Variants in NPM2 observed in about 807,000 individuals in gnomAD.
The protein encoded by NPM2 is nucleoplasmin-2.
In NPM2, 25 loss-of-function variants were observed where a neutral mutation model predicts 32.0. That is an observed-to-expected ratio of 0.78 (90% CI 0.57 to 1.09). NPM2 has a LOEUF of 1.09. NPM2 is among the 50% of genes least tolerant of loss of function. NPM2 has a pLI of 0.00. For synonymous variants in NPM2, 111 were observed against 94.2 expected (o/e 1.18, Z -1.04); for missense variants, 282 against 259.9 (o/e 1.08, Z -0.58).
chr8:22,028,341 A>ATTTTTT (rs36012479), intron 5 of NPM2, among the ~76,000 whole-genome samples: 1 of 65,570 alleles, frequency 1.5e-5, no homozygotes, highest in Non-Finnish European at 2.8e-5. Context: ...TGCCAAAAAG[A>ATTTTTT]TTTTTTTTTT....
chr8:22,027,722 T>G (rs1277455851), intron 5 of NPM2, among the ~76,000 whole-genome samples: 1 of 152,054 alleles, frequency 6.6e-6, no homozygotes, highest in Non-Finnish European at 1.5e-5. Context: ...TTCTCCCATC[T>G]CAGCCTCCCA....
At chr8:22,026,370 T>A (rs1305630909) in intron 5 of NPM2, among the ~76,000 whole-genome samples, 1 of 152,088 alleles carries the variant, frequency 6.6e-6, no homozygotes, top group East Asian at 1.9e-4. Flanking sequence ...ATCTACATAT[T>A]GGTTGTGCAT....
rs1024912104 is a variant in NPM2 at position 22,025,301 on chromosome 8, T to C, written c.53T>C (p.Leu18Pro). 2 of 1,609,490 alleles carry C rather than the reference T, an allele frequency of 1.2e-6. No individual in the cohort carries two copies. Among genetic ancestry groups the C allele is most frequent in the African/African-American group, 1.3e-5 (1 of 74,850 alleles). ...STEEKAVTTV[L>P]WGCELSQERR... ...GAGGAAAAGGCAGTGACGACCGTGC[T>C]CTGGGGTGAGTGGGGACTCAGGCTC... The change falls in exon 3 of 10, where the codon CTC (leucine) becomes CCC (proline). Residue 18 changes from leucine to proline, a missense_variant. Transcript: ENST00000518119.
Position 22,034,528 on chromosome 8 carries a change from G to T in NPM2, c.550G>T (p.Glu184Ter). 6.2e-7 allele frequency: 1 copy of T among 1,611,722 alleles called. No homozygotes were observed. The highest frequency in any genetic ancestry group is 8.5e-7 in the Non-Finnish European group (1 of 1,178,170). The stretch of plus-strand genomic sequence containing the variant: ...TTCCCAGAAAAAAAAGCTGGAAAAA[G>T]AAGAAGAGGAAATAAGGTAACTCTT... Reference protein sequence around the residue: ...SVAKKKKLEKEEEEIRASVRD... With the variant: ...SVAKKKKLEK Residue 184 changes from glutamate (E) to a stop codon, truncating the protein, a stop_gained, in exon 8 of 10, where the codon GAA becomes TAA. Coordinates refer to ENST00000518119, the MANE Select transcript of NPM2 (RefSeq NM_001286680.2). LOFTEE classifies it low-confidence loss of function (END_TRUNC).
chr8:22,034,736 T>C (rs1262392360), intron 8 of NPM2, among the ~76,000 whole-genome samples, 192 bp downstream of exon 8: 7 of 152,196 alleles, frequency 4.6e-5, no homozygotes, highest in Non-Finnish European at 1.0e-4. Flanking sequence ...AACGTTCTTA[T>C]CTTGGGATCT....
intron 5 of NPM2, among the ~76,000 whole-genome samples, chr8:22,030,617 G>A (rs937009575): frequency 6.6e-6 from 1 of 151,916 alleles, no homozygotes; most frequent in Admixed American, 6.6e-5. Context: ...TTATGATTAT[G>A]ATTCCTACTT....
rs767359697 is a variant in NPM2 at position 22,034,289 on chromosome 8, C to T, written c.531+14C>T. 21 of 1,568,164 alleles carry T rather than the reference C, an allele frequency of 1.3e-5. No homozygotes were observed. The highest frequency in any genetic ancestry group is 1.8e-5 in the Admixed American group (1 of 54,758). The stretch of plus-strand genomic sequence containing the variant: ...AGCGTGGCTAAGGTGGGGGAAGGAG[C>T]GTGGCTGTTTGGAAGGAAGTGGTAC... On this transcript the variant is annotated intron_variant, in intron 7 of 9. Coordinates refer to ENST00000518119, the MANE Select transcript of NPM2 (RefSeq NM_001286680.2).
chr8:22,036,563 G>T lies in NPM2; in HGVS notation c.600+37G>T, dbSNP rs181298655. 482 of 1,577,554 alleles carry T rather than the reference G, an allele frequency of 3.1e-4. 3 individuals are homozygous for T. In the African/African-American group the frequency reaches 5.8e-3, roughly 19 times the overall value. On this transcript the variant is annotated intron_variant, in intron 9 of 9. Transcript: ENST00000518119. ...CAGAGGGCTTTGGCCCTTGGGACAGGCGAGTATTCTCTGGAGGGGGCTGCC... is the reference window on the plus strand; with the variant it reads ...CAGAGGGCTTTGGCCCTTGGGACAGTCGAGTATTCTCTGGAGGGGGCTGCC...
intron 5 of NPM2, 77 bp from the exon 6 acceptor site, chr8:22,033,053 G>C: frequency 3.8e-6 from 4 of 1,041,094 alleles, no homozygotes; most frequent in Non-Finnish European, 6.1e-6. Context: ...AATCAACTCA[G>C]TATTTCTGCC....
At chr8:22,035,895 T>C (rs1302580208) in intron 8 of NPM2, among the ~76,000 whole-genome samples, 2 of 143,920 alleles carry the variant, frequency 1.4e-5, no homozygotes, top group Non-Finnish European at 3.0e-5. Context: ...ATCACACCAC[T>C]GCACACCAGC....
rs191108526 is a variant in NPM2, at chr8:22,026,814, T to C, written c.270+1042T>C. ...ACTGGCTAGGCCCTGCAGTGGAATA[T>C]TGGGTGAACATGAGATCAGGTCTGA... On this transcript the variant is annotated intron_variant, in intron 5 of 9. Transcript: ENST00000518119. 1.5e-4 allele frequency among the ~76,000 whole-genome samples: 23 copies of C among 152,364 alleles called. No individual in the cohort carries two copies. In the East Asian group the frequency reaches 4.4e-3, roughly 29 times the overall value.
chr8:22,026,735 G>A (rs757970170), intron 5 of NPM2, among the ~76,000 whole-genome samples: 7 of 152,144 alleles, frequency 4.6e-5, no homozygotes, highest in Non-Finnish European at 8.8e-5. Context: ...GATTACAGGC[G>A]TGAGTCACCA....
chr8:22,036,646 C>T lies in NPM2; in HGVS notation c.609C>T (p.Ala203=), dbSNP rs1483170218. ...RDKSPVKKAK[A]TARAKKPGFK... ...CTGCCTTCCCTCCACAGGCCAAAGC[C>T]ACAGCCAGAGCCAAGAAGCCAGGAT... is the stretch of plus-strand genomic sequence containing the variant. The change falls in exon 10 of 10, where the codon GCC becomes GCT. Residue 203 remains alanine, a synonymous_variant. Coordinates refer to ENST00000518119, the MANE Select transcript of NPM2 (RefSeq NM_001286680.2). The T allele has an allele frequency of 6.4e-7, 1 of 1,550,414 alleles. No individual in the cohort carries two copies. Among genetic ancestry groups the T allele is most frequent in the Admixed American group, 2.0e-5 (1 of 50,486 alleles).
At chr8:22,033,704 C>G (rs1800518241) in intron 6 of NPM2, among the ~76,000 whole-genome samples, 1 of 152,204 alleles carries the variant, frequency 6.6e-6, no homozygotes, top group Admixed American at 6.5e-5. Flanking sequence ...TGGCAGGTCC[C>G]ACTTCTCTTA....
rs375632569 is a variant in NPM2, at chr8:22,033,239, C to T, written c.364+16C>T. On this transcript the variant is annotated intron_variant, in intron 6 of 9. Transcript: ENST00000518119. ...GAACGTTATGGTAAGTCAGAGCCTG[C>T]GATCAGGAAGGTCCGTGAGTACCGT... 6.2e-5 allele frequency: 99 copies of T among 1,603,242 alleles called. No individual in the cohort carries two copies. The highest frequency in any genetic ancestry group is 3.2e-4 in the South Asian group (29 of 90,870).
At chr8:22,033,566 C>T (rs1038906060) in intron 6 of NPM2, among the ~76,000 whole-genome samples, 1 of 137,756 alleles carries the variant, frequency 7.3e-6, no homozygotes, top group African/African-American at 2.5e-5. Context: ...ACCATAGCAA[C>T]GCAGACCATA....
At chr8:22,025,888 T>A in intron 5 of NPM2, 116 bp downstream of exon 5, 2 of 1,446,776 alleles carry the variant, frequency 1.4e-6, no homozygotes, top group Non-Finnish European at 1.9e-6. Context: ...GCTAGGGAGG[T>A]AGCACAGCCC....
chr8:22,024,315 T>C lies in NPM2; in HGVS notation c.-449T>C, dbSNP rs975383500. Reference sequence around the variant, plus strand: ...GGAAAGGCCCATGCTGTATAAGGCATGGGGAAAGGAAAGGAAGAAAGGCAA... The same window carrying C: ...GGAAAGGCCCATGCTGTATAAGGCACGGGGAAAGGAAAGGAAGAAAGGCAA... On this transcript the variant is annotated 5_prime_UTR_variant, in exon 1 of 10. It removes an upstream start codon present in the reference 5' UTR. Coordinates refer to ENST00000518119, the MANE Select transcript of NPM2 (RefSeq NM_001286680.2). 6.6e-6 allele frequency: 1 copy of C among 152,106 alleles called. No individual in the cohort carries two copies. Among genetic ancestry groups the C allele is most frequent in the Non-Finnish European group, 1.5e-5 (1 of 68,094 alleles). 9.4% of individuals were successfully genotyped at this position (152,106 alleles called of 1,614,324 possible).
chr8:22,029,017 A>T (rs1334182015), intron 5 of NPM2, among the ~76,000 whole-genome samples: 1 of 149,468 alleles, frequency 6.7e-6, no homozygotes, highest in East Asian at 2.1e-4. Context: ...GAAGTTATAG[A>T]ATCTCATTCT....
Sources: allele counts gnomAD v4.1 joint callset (sites outside exome capture counted in the v4.1 genomes callset), GRCh38; gene constraint gnomAD v4.1.1; transcripts MANE v1.5; gene names NCBI Gene and HGNC (gene_info 2026-07-23, HGNC 2026-07-21).